Variants in CTNNB1 observed in about 807,000 individuals in gnomAD.
CTNNB1 encodes catenin beta-1.
Under a neutral mutation model 82.5 loss-of-function variants are expected in CTNNB1, and 6 were observed. The observed-to-expected ratio is 0.07, with a 90% CI of 0.04 to 0.14. The LOEUF (loss-of-function observed/expected upper bound fraction) is 0.14. Among genes scored for constraint, CTNNB1 ranks in the 10% least tolerant of loss-of-function variants. The probability of loss-of-function intolerance (pLI) is 1.00; values close to 1 mark genes in which losing one functional copy is unlikely to be tolerated. For synonymous variants in CTNNB1, 312 were observed against 329.7 expected (o/e 0.95, Z 0.58); for missense variants, 529 against 980.4 (o/e 0.54, Z 6.15).
intron 7 of CTNNB1, among the ~76,000 whole-genome samples, chr3:41,230,746 G>A (rs916807274): frequency 1.3e-5 from 2 of 152,142 alleles, no homozygotes; most frequent in Non-Finnish European, 2.9e-5. Context: ...GTCTATATGA[G>A]AAGTGAGGGT....
At chr3:41,201,350 A>T (rs2077525288) in intron 1 of CTNNB1, among the ~76,000 whole-genome samples, 1 of 152,116 alleles carries the variant, frequency 6.6e-6, no homozygotes, top group Non-Finnish European at 1.5e-5. Flanking sequence ...AAAATCTCTG[A>T]TTAAAAAAAA....
chr3:41,213,078 T>C (rs574630549), intron 1 of CTNNB1, among the ~76,000 whole-genome samples: 1 of 152,330 alleles, frequency 6.6e-6, no homozygotes, highest in Admixed American at 6.5e-5. Context: ...ACTTTCAGTG[T>C]CACGTAGAAC....
chr3:41,238,313 G>C, intron 14 of CTNNB1: 1 of 552,074 alleles, frequency 1.8e-6, no homozygotes, highest in Non-Finnish European at 3.2e-6. Context: ...GCTACTGCTA[G>C]GCCTCTGCAG....
At chr3:41,221,112 C>T (rs1288389121) in intron 1 of CTNNB1, 7 of 152,152 alleles carry the variant, frequency 4.6e-5, no homozygotes, top group African/African-American at 1.7e-4. Flanking sequence ...CCCTCTTTGT[C>T]AAAACATCAC....
chr3:41,238,863 A>G (rs2078503838), intron 14 of CTNNB1, among the ~76,000 whole-genome samples: 1 of 152,202 alleles, frequency 6.6e-6, no homozygotes, highest in Non-Finnish European at 1.5e-5. Flanking sequence ...CAGAGTGTTC[A>G]GGGTTAGACT....
chr3:41,227,166 A>G (rs199796503), intron 6 of CTNNB1, 42 bp from the exon 7 acceptor site: 15 of 1,538,034 alleles, frequency 9.8e-6, no homozygotes, highest in Non-Finnish European at 1.3e-5. Flanking sequence ...ACATGTGATC[A>G]AGATTCCTTG....
At chr3:41,206,005 C>T (rs1009767088) in intron 1 of CTNNB1, among the ~76,000 whole-genome samples, 3 of 152,132 alleles carry the variant, frequency 2.0e-5, no homozygotes, top group African/African-American at 7.2e-5. Context: ...TTTCCACCCC[C>T]TCTTTATGAT....
At chr3:41,232,911 A>G (rs1054754896) in intron 7 of CTNNB1, among the ~76,000 whole-genome samples, 13 of 152,088 alleles carry the variant, frequency 8.5e-5, no homozygotes, top group Non-Finnish European at 1.6e-4. Context: ...AGTTTATTGT[A>G]TATTTTTCTG....
chr3:41,218,678 A>G (rs896409889), intron 1 of CTNNB1, among the ~76,000 whole-genome samples: 3 of 152,226 alleles, frequency 2.0e-5, no homozygotes, highest in Non-Finnish European at 4.4e-5. Flanking sequence ...CTGGGACTAC[A>G]GCGGCATATG....
At chr3:41,203,091 C>G (rs1385121726) in intron 1 of CTNNB1, among the ~76,000 whole-genome samples, 1 of 150,084 alleles carries the variant, frequency 6.7e-6, no homozygotes, top group Non-Finnish European at 1.5e-5. Flanking sequence ...GAGACATTCC[C>G]CACTCTCCAA....
In CTNNB1 at chr3:41,239,152, T is replaced by C. The variant is rs2125653097; in HGVS notation, c.2156T>C (p.Phe719Ser). Residue 719 changes from phenylalanine (F) to serine (S), a missense_variant, in exon 15 of 15, where the codon TTT becomes TCT. Coordinates refer to ENST00000349496, the MANE Select transcript of CTNNB1 (RefSeq NM_001904.4). ...YRQDDPSYRSFHSGGYGQDAL... is the reference protein window; with the variant it reads ...YRQDDPSYRSSHSGGYGQDAL... ...CTTCTAGATCCTAGCTATCGTTCTTTTCACTCTGGTGGATATGGCCAGGAT... is the reference window on the plus strand; with the variant it reads ...CTTCTAGATCCTAGCTATCGTTCTTCTCACTCTGGTGGATATGGCCAGGAT... 1.2e-6 allele frequency: 2 copies of C among 1,614,146 alleles called. No homozygotes were observed. Among genetic ancestry groups the C allele is most frequent in the African/African-American group, 1.3e-5 (1 of 75,078 alleles).
At chr3:41,231,292 A>G (rs903557054) in intron 7 of CTNNB1, among the ~76,000 whole-genome samples, 12 of 151,612 alleles carry the variant, frequency 7.9e-5, no homozygotes, top group Middle Eastern at 3.4e-3. Context: ...GCGCCACTGC[A>G]CTTCAGCCTG....
At chr3:41,238,372 G>A in intron 14 of CTNNB1, 1 of 370,916 alleles carries the variant, frequency 2.7e-6, no homozygotes, top group South Asian at 3.3e-5. Context: ...TTTGGCCAGA[G>A]GACTCATAAT....
intron 1 of CTNNB1, among the ~76,000 whole-genome samples, chr3:41,218,620 G>A (rs549294396): frequency 1.2e-3 from 177 of 152,166 alleles, no homozygotes; most frequent in Non-Finnish European, 2.1e-3. Context: ...TAAAAGTGTC[G>A]CAGGACACTG....
chr3:41,233,314 G>C (rs1398393589), intron 7 of CTNNB1, 27 bp from the exon 8 acceptor site: 1 of 1,590,522 alleles, frequency 6.3e-7, no homozygotes, highest in Non-Finnish European at 8.6e-7. Flanking sequence ...TAATGACTAG[G>C]GCCTTATATC....
chr3:41,217,588 A>G (rs1325100968), intron 1 of CTNNB1, among the ~76,000 whole-genome samples: 8 of 152,224 alleles, frequency 5.3e-5, no homozygotes, highest in Non-Finnish European at 1.0e-4. Context: ...TTGCCACAGA[A>G]TACATTTCTG....
rs2078545975 is a variant in CTNNB1, at chr3:41,240,112, A to C, written c.*770A>C. ...AATTGAGTAATGGTGTAGAACACTA[A>C]TTCATAATCACTCTAATTAATTGTA... On this transcript the variant is annotated 3_prime_UTR_variant, in exon 15 of 15. Coordinates refer to ENST00000349496, the MANE Select transcript of CTNNB1 (RefSeq NM_001904.4). 4.7e-6 allele frequency: 1 copy of C among 210,984 alleles called. No individual in the cohort carries two copies. Among genetic ancestry groups the C allele is most frequent in the Non-Finnish European group, 9.6e-6 (1 of 104,588 alleles). The allele number at this position is 210,984 out of a possible 1,614,324, so 13.1% of individuals were successfully genotyped here. A position where few individuals can be genotyped will look rare whatever the true frequency, so the allele number is the denominator to read the frequency against.
In CTNNB1 at chr3:41,239,168, T is replaced by C; in HGVS notation, c.2172T>C (p.Tyr724=). The part of the protein sequence containing the change: ...PSYRSFHSGG[Y]GQDALGMDPM... ...ATCGTTCTTTTCACTCTGGTGGATA[T>C]GGCCAGGATGCCTTGGGTATGGACC... The change falls in exon 15 of 15, where the codon TAT becomes TAC. Residue 724 remains tyrosine, a synonymous_variant. Coordinates refer to ENST00000349496, the MANE Select transcript of CTNNB1 (RefSeq NM_001904.4). 2 of 1,614,198 alleles carry C rather than the reference T, an allele frequency of 1.2e-6. No individual in the cohort carries two copies. The highest frequency in any genetic ancestry group is 1.7e-6 in the Non-Finnish European group (2 of 1,180,016).
chr3:41,208,128 G>T (rs1228844830), intron 1 of CTNNB1, among the ~76,000 whole-genome samples: 2 of 152,086 alleles, frequency 1.3e-5, no homozygotes, highest in African/African-American at 4.8e-5. Flanking sequence ...GGTGACATCA[G>T]TATCTATGTA....
Sources: gnomAD v4.1 joint callset for allele counts (sites outside exome capture counted in the v4.1 genomes callset) on GRCh38, gnomAD v4.1.1 for gene constraint, MANE v1.5 for transcripts, NCBI Gene and HGNC (gene_info 2026-07-23, HGNC 2026-07-21) for gene names.